PLD5: variants seen among roughly 807,000 people sequenced by gnomAD.
The protein encoded by PLD5 is phospholipase D family member 5, also known as inactive phospholipase D5.
PLD5 carries 36 observed loss-of-function variants against 61.1 expected under a neutral mutation model. That is an observed-to-expected ratio of 0.59 (90% CI 0.45 to 0.78). The LOEUF (loss-of-function observed/expected upper bound fraction) is 0.78. Among genes scored for constraint, PLD5 ranks in the 30% least tolerant of loss-of-function variants. PLD5 has a pLI of 0.00. For synonymous variants in PLD5, 243 were observed against 242.8 expected, an observed-to-expected ratio of 1.00 and a Z score of -0.01; for missense variants, 515 against 644.4, an observed-to-expected ratio of 0.80 and a Z score of 2.17.
At chr1:242,401,827 C>T (rs550640736) in intron 1 of PLD5, among the ~76,000 whole-genome samples, 2 of 152,342 alleles carry the variant, frequency 1.3e-5, no homozygotes, top group African/African-American at 4.8e-5. Flanking sequence ...ACTCCATCCT[C>T]CTGCTGGTAG....
intron 1 of PLD5, among the ~76,000 whole-genome samples, chr1:242,438,439 C>CTTTT (rs1171422837): frequency 3.3e-5 from 4 of 120,504 alleles, no homozygotes; most frequent in East Asian, 2.7e-4. Flanking sequence ...AATTTTTTTT[C>CTTTT]TTTTTTTTTT....
At position 242,460,841 on chromosome 1, in the gene PLD5, T is replaced by TA. The variant is rs35991588; in HGVS notation, c.189+63246dup. ...ATACTCATTTAAATTTAAGCTCCAT[T>TA]AAAAAAAAAAAGCAGAGGCCAGGCA... On this transcript the variant is annotated intron_variant, in intron 1 of 9. Transcript: ENST00000536534. 9.6e-4 allele frequency among the ~76,000 whole-genome samples: 142 copies of TA among 147,864 alleles called. 1 individual carries two copies. In the East Asian group the frequency reaches 0.012, roughly 12 times the overall value.
chr1:242,144,881 T>C (rs753153333), intron 5 of PLD5, among the ~76,000 whole-genome samples: 1 of 152,170 alleles, frequency 6.6e-6, no homozygotes, highest in Non-Finnish European at 1.5e-5. Context: ...GAGAATCTGA[T>C]GCAGCCATGG....
chr1:242,176,411 C>T (rs1024237922), intron 5 of PLD5, among the ~76,000 whole-genome samples: 4 of 152,148 alleles, frequency 2.6e-5, no homozygotes, highest in African/African-American at 9.7e-5. Context: ...GTACCCCTTC[C>T]TTATAGTTTA....
At chr1:242,182,119 G>A (rs1667557407) in intron 5 of PLD5, among the ~76,000 whole-genome samples, 2 of 152,180 alleles carry the variant, frequency 1.3e-5, no homozygotes, top group African/African-American at 4.8e-5. Flanking sequence ...TTTAAAGGGA[G>A]AACTCAGTTG....
chr1:242,169,836 G>A (rs971051355), intron 5 of PLD5, among the ~76,000 whole-genome samples: 1 of 152,180 alleles, frequency 6.6e-6, no homozygotes, highest in African/African-American at 2.4e-5. Context: ...ACTGGGTGGA[G>A]CCCACCGCAG....
intron 1 of PLD5, among the ~76,000 whole-genome samples, chr1:242,375,734 A>C (rs1248001628): frequency 1.3e-5 from 2 of 152,222 alleles, no homozygotes; most frequent in Non-Finnish European, 2.9e-5. Flanking sequence ...CCAGAAGAGT[A>C]TCTCTGTTGC....
intron 1 of PLD5, among the ~76,000 whole-genome samples, chr1:242,501,790 TTATATA>T (rs10648981): frequency 2.3e-4 from 34 of 147,192 alleles, no homozygotes; most frequent in African/African-American, 7.9e-4. Flanking sequence ...TAATATTCCA[TTATATA>T]TATATATATA....
chr1:242,216,792 A>T (rs1331101632), intron 5 of PLD5, among the ~76,000 whole-genome samples: 1 of 152,200 alleles, frequency 6.6e-6, no homozygotes, highest in Non-Finnish European at 1.5e-5. Flanking sequence ...AGACCCCCAC[A>T]CACTTTCATA....
At chr1:242,126,338 GC>G (rs2148740036) in intron 5 of PLD5, among the ~76,000 whole-genome samples, 1 of 152,244 alleles carries the variant, frequency 6.6e-6, no homozygotes, top group South Asian at 2.1e-4. Context: ...GGACGAAAAA[GC>G]CTGCATAGGC....
chr1:242,198,199 C>A (rs138539873), intron 5 of PLD5, among the ~76,000 whole-genome samples: 8 of 152,116 alleles, frequency 5.3e-5, no homozygotes, highest in African/African-American at 1.9e-4. Context: ...ATGTTCCCTG[C>A]GGAAATCTCT....
At chr1:242,297,399 A>C (rs1675737199) in intron 2 of PLD5, among the ~76,000 whole-genome samples, 1 of 74,382 alleles carries the variant, frequency 1.3e-5, no homozygotes, top group Non-Finnish European at 2.4e-5. Flanking sequence ...ATCACCCTTC[A>C]AGACTTTTTT....
intron 6 of PLD5, among the ~76,000 whole-genome samples, chr1:242,123,513 T>TCA (rs1262326244): frequency 6.6e-6 from 1 of 151,720 alleles, no homozygotes. Context: ...CTGGGACCAC[T>TCA]CACACACACA....
intron 4 of PLD5, among the ~76,000 whole-genome samples, chr1:242,223,851 TAGAGAGAG>T (rs34987274): frequency 7.5e-4 from 108 of 144,340 alleles, no homozygotes; most frequent in African/African-American, 1.2e-3. Flanking sequence ...TATATATAAA[TAGAGAGAG>T]AGAGAGAGAG....
intron 1 of PLD5, among the ~76,000 whole-genome samples, chr1:242,470,034 T>C (rs1361503224): frequency 6.6e-6 from 1 of 151,928 alleles, no homozygotes; most frequent in Non-Finnish European, 1.5e-5. Context: ...GCAAACCAGA[T>C]GGGTGCCAAG....
At chr1:242,200,211 T>C (rs757315709) in intron 5 of PLD5, among the ~76,000 whole-genome samples, 34 of 152,228 alleles carry the variant, frequency 2.2e-4, no homozygotes, top group Non-Finnish European at 3.7e-4. Flanking sequence ...CTTATACTTG[T>C]TGGTACAGGA....
intron 4 of PLD5, among the ~76,000 whole-genome samples, chr1:242,234,000 C>G (rs1035376990): frequency 2.0e-5 from 3 of 152,038 alleles, no homozygotes; most frequent in African/African-American, 7.2e-5. Context: ...CCATTCCAAG[C>G]CAAATTAATA....
At chr1:242,165,054 T>C (rs1281070479) in intron 5 of PLD5, among the ~76,000 whole-genome samples, 1 of 152,092 alleles carries the variant, frequency 6.6e-6, no homozygotes, top group Non-Finnish European at 1.5e-5. Flanking sequence ...GGGGATGATA[T>C]AGTGGGGGTG....
intron 3 of PLD5, among the ~76,000 whole-genome samples, chr1:242,270,441 C>G (rs1673989953): frequency 6.6e-6 from 1 of 152,200 alleles, no homozygotes; most frequent in African/African-American, 2.4e-5. Flanking sequence ...TAGTGGCAGT[C>G]AGGCCTAGAA....
Sources: allele counts gnomAD v4.1 joint callset (sites outside exome capture counted in the v4.1 genomes callset), GRCh38; gene constraint gnomAD v4.1.1; transcripts MANE v1.5; gene names NCBI Gene and HGNC (gene_info 2026-07-23, HGNC 2026-07-21).